The following UST variants were observed in gnomAD, a reference collection of about 807,000 sequenced individuals.
UST encodes uronyl 2-sulfotransferase, also known as chondroitin sulfate 2-O-sulfotransferase.
In UST, 21 loss-of-function variants were observed where a neutral mutation model predicts 45.6. The observed-to-expected ratio is 0.46, with a 90% CI of 0.33 to 0.66. The LOEUF (loss-of-function observed/expected upper bound fraction) is 0.66. Ranked by LOEUF, UST falls within the 30% of genes least tolerant of loss-of-function variation. The probability of loss-of-function intolerance (pLI) is 0.02; values close to 1 mark genes in which losing one functional copy is unlikely to be tolerated. For missense variants in UST, 463 were observed against 512.4 expected, an observed-to-expected ratio of 0.90 and a Z score of 0.93; for synonymous variants, 215 against 200.6, an observed-to-expected ratio of 1.07 and a Z score of -0.61.
At chr6:148,776,344 A>G (rs1776534768) in intron 1 of UST, among the ~76,000 whole-genome samples, 1 of 152,152 alleles carries the variant, frequency 6.6e-6, no homozygotes, top group Non-Finnish European at 1.5e-5. Context: ...CTATGTGTTC[A>G]ATCCTCTTCT....
At chr6:148,855,593 A>G (rs537605372) in intron 1 of UST, among the ~76,000 whole-genome samples, 7 of 152,350 alleles carry the variant, frequency 4.6e-5, no homozygotes, top group African/African-American at 1.7e-4. Context: ...CAATCAGAGT[A>G]AAAAAGGATC....
chr6:148,861,117 G>C (rs113200035), intron 1 of UST, among the ~76,000 whole-genome samples: 10 of 151,950 alleles, frequency 6.6e-5, no homozygotes, highest in Admixed American at 5.9e-4. Flanking sequence ...ACGTGAATTC[G>C]TCTGGTCCTG....
rs1184615422 is a variant in UST, at chr6:148,910,146, T to G, written c.291+23117T>G. ...GTAGCCTGGGATGCTTTTTTTTTTT[T>G]TTTTTTTTTTTGAGACAGAGTTTCA... On this transcript the variant is annotated intron_variant, in intron 2 of 7. Transcript: ENST00000367463. 6.7e-3 allele frequency among the ~76,000 whole-genome samples: 991 copies of G among 148,574 alleles called. 14 individuals carry two copies. The highest frequency in any genetic ancestry group is 0.023 in the African/African-American group (933 of 40,346).
chr6:148,779,559 AAAT>A (rs1418154088), intron 1 of UST, among the ~76,000 whole-genome samples: 2 of 152,192 alleles, frequency 1.3e-5, no homozygotes, highest in African/African-American at 2.4e-5. Flanking sequence ...CACGCCAGGG[AAAT>A]AATAATTCCC....
intron 1 of UST, among the ~76,000 whole-genome samples, chr6:148,762,270 C>T (rs1463987030): frequency 1.3e-5 from 2 of 152,184 alleles, no homozygotes; most frequent in African/African-American, 4.8e-5. Flanking sequence ...TATTTTGGGT[C>T]TCATAAGATG....
chr6:148,908,670 CTG>C (rs1779414547), intron 2 of UST, among the ~76,000 whole-genome samples: 1 of 152,076 alleles, frequency 6.6e-6, no homozygotes, highest in African/African-American at 2.4e-5. Flanking sequence ...CTTTTTAACT[CTG>C]TGAACATGAG....
At chr6:148,875,056 AT>A (rs1778622370) in intron 1 of UST, among the ~76,000 whole-genome samples, 1 of 152,240 alleles carries the variant, frequency 6.6e-6, no homozygotes, top group African/African-American at 2.4e-5. Context: ...AAGGATTTAA[AT>A]TGCTTATGAT....
intron 5 of UST, among the ~76,000 whole-genome samples, chr6:148,982,104 GT>G (rs34290272): frequency 1.0e-4 from 15 of 145,284 alleles, no homozygotes; most frequent in East Asian, 2.0e-4. Flanking sequence ...AGCCTTTTTT[GT>G]TTTTTTTTTT....
intron 1 of UST, among the ~76,000 whole-genome samples, chr6:148,754,160 A>G (rs1409573246): frequency 6.6e-6 from 1 of 151,670 alleles, no homozygotes; most frequent in Non-Finnish European, 1.5e-5. Context: ...ATGCCTGGCT[A>G]ATTTTTTTGT....
At chr6:148,795,843 C>T (rs1029773946) in intron 1 of UST, among the ~76,000 whole-genome samples, 15 of 152,132 alleles carry the variant, frequency 9.9e-5, no homozygotes, top group Non-Finnish European at 1.5e-4. Flanking sequence ...CGATTCATTA[C>T]GGGCTGGTTA....
chr6:148,859,336 GTTGT>G (rs1463377885), intron 1 of UST, among the ~76,000 whole-genome samples: 1 of 152,160 alleles, frequency 6.6e-6, no homozygotes, highest in Non-Finnish European at 1.5e-5. Context: ...TTTTGATGGG[GTTGT>G]TTGATTTTTT....
chr6:149,065,463 T>C (rs915529980), intron 7 of UST, among the ~76,000 whole-genome samples: 3 of 152,234 alleles, frequency 2.0e-5, no homozygotes, highest in Non-Finnish European at 2.9e-5. Context: ...CTGCTTATTA[T>C]ACAAGACAAA....
At chr6:148,878,921 G>T (rs1342970185) in intron 1 of UST, among the ~76,000 whole-genome samples, 3 of 151,924 alleles carry the variant, frequency 2.0e-5, no homozygotes, top group African/African-American at 7.3e-5. Context: ...AGTCAAGTGG[G>T]GCCCAGAGAA....
chr6:148,754,925 A>T (rs1172537766), intron 1 of UST, among the ~76,000 whole-genome samples: 2 of 152,224 alleles, frequency 1.3e-5, no homozygotes, highest in Non-Finnish European at 2.9e-5. Flanking sequence ...TTTTACAGTT[A>T]TGGATTACTT....
At chr6:148,918,675 G>C (rs73778960) in intron 2 of UST, among the ~76,000 whole-genome samples, 7,491 of 152,308 alleles carry the variant, frequency 0.049, 670 homozygotes, top group African/African-American at 0.17. Context: ...GGCTCCGCCA[G>C]ATGGCTCCTA....
chr6:148,824,908 C>T (rs1473370529), intron 1 of UST, among the ~76,000 whole-genome samples: 1 of 142,716 alleles, frequency 7.0e-6, no homozygotes, highest in East Asian at 2.0e-4. Flanking sequence ...CAATTCCCAC[C>T]TATGAGTGAG....
chr6:149,029,527 G>A (rs1211972685), intron 7 of UST, among the ~76,000 whole-genome samples: 4 of 146,338 alleles, frequency 2.7e-5, no homozygotes, highest in Non-Finnish European at 4.5e-5. Flanking sequence ...CACTAACTCT[G>A]GCTTTAGTTT....
intron 2 of UST, among the ~76,000 whole-genome samples, chr6:148,904,487 A>G (rs942687871): frequency 6.6e-6 from 1 of 152,072 alleles, no homozygotes; most frequent in Non-Finnish European, 1.5e-5. Context: ...TTCCAATATG[A>G]ATATTATTTA....
rs17079441 is a variant in UST, at chr6:148,886,481, G to A, written c.248-505G>A. Reference sequence around the variant, plus strand: ...TATTAGTGAAGACAAATCAAGCTCCGGAAGCAAGCTAGCCTGAAGAGAGAA... The same window carrying A: ...TATTAGTGAAGACAAATCAAGCTCCAGAAGCAAGCTAGCCTGAAGAGAGAA... On this transcript the variant is annotated intron_variant, in intron 1 of 7. Transcript: ENST00000367463. 6.4e-3 allele frequency among the ~76,000 whole-genome samples: 973 copies of A among 152,256 alleles called. 10 individuals carry two copies. The highest frequency in any genetic ancestry group is 0.021 in the African/African-American group (884 of 41,538).
Sources: allele counts gnomAD v4.1 joint callset (sites outside exome capture counted in the v4.1 genomes callset), GRCh38; gene constraint gnomAD v4.1.1; transcripts MANE v1.5; gene names NCBI Gene and HGNC (gene_info 2026-07-23, HGNC 2026-07-21).